Variants in DNAH17 observed in about 807,000 individuals in gnomAD.
DNAH17 encodes the protein dynein axonemal heavy chain 17.
A neutral mutation model predicts 485.6 loss-of-function variants in DNAH17; 376 were observed. That is an observed-to-expected ratio of 0.77 (90% CI 0.71 to 0.84). The LOEUF (loss-of-function observed/expected upper bound fraction) is 0.84. Ranked by LOEUF, DNAH17 falls within the 40% of genes least tolerant of loss-of-function variation. The pLI is 0.00. For missense variants in DNAH17, 6,370 were observed against 5,839.3 expected (o/e 1.09, Z -2.96); for synonymous variants, 3,031 against 2,405.9 (o/e 1.26, Z -7.60).
rs556508091 is a variant in DNAH17 at position 78,491,584 on chromosome 17, G to A, written c.6542-14C>T. Reference sequence around the variant, plus strand: ...TGGAGAACAGGCCTGGGGGAGGCGCGTGGTATGACCCCGGGCCCTTCACTC... The same window carrying A: ...TGGAGAACAGGCCTGGGGGAGGCGCATGGTATGACCCCGGGCCCTTCACTC... On this transcript the variant is annotated splice_polypyrimidine_tract_variant and intron_variant, in intron 42 of 80. Coordinates refer to ENST00000389840, the MANE Select transcript of DNAH17 (RefSeq NM_173628.4). The A allele has an allele frequency of 5.0e-5, 80 of 1,612,964 alleles. No homozygotes were observed. The highest frequency in any genetic ancestry group is 4.2e-4 in the South Asian group (38 of 90,792).
intron 15 of DNAH17, 40 bp from the exon 16 acceptor site, chr17:78,551,678 T>C (rs749205081): frequency 1.9e-6 from 3 of 1,603,072 alleles, no homozygotes; most frequent in Non-Finnish European, 1.7e-6. Flanking sequence ...AAATGAACAA[T>C]TCAGGCTGGG....
intron 6 of DNAH17, 126 bp downstream of exon 6, chr17:78,570,822 C>T: frequency 3.0e-6 from 2 of 668,194 alleles, no homozygotes; most frequent in South Asian, 4.1e-5. Context: ...CGCGCCACAG[C>T]ACTCTAGCCT....
At chr17:78,458,951 G>C in intron 61 of DNAH17, 50 bp downstream of exon 61, 1 of 1,590,282 alleles carries the variant, frequency 6.3e-7, no homozygotes, top group Non-Finnish European at 8.6e-7. Flanking sequence ...CTGGCAGCGC[G>C]AGCAAGCGGC....
intron 37 of DNAH17, among the ~76,000 whole-genome samples, chr17:78,498,465 T>C (rs2090154763): frequency 1.3e-5 from 2 of 152,210 alleles, no homozygotes; most frequent in South Asian, 2.1e-4. Flanking sequence ...TCCTAACAAG[T>C]GGGGCCCACG....
intron 16 of DNAH17, 53 bp downstream of exon 16, chr17:78,551,482 G>A (rs1407712546): frequency 8.9e-6 from 14 of 1,568,896 alleles, no homozygotes; most frequent in Admixed American, 5.0e-5. Context: ...GTTTGCCCCA[G>A]GGCAGCCCCA....
intron 57 of DNAH17, among the ~76,000 whole-genome samples, chr17:78,462,231 G>T (rs899101007): frequency 7.0e-6 from 1 of 143,522 alleles, no homozygotes; most frequent in African/African-American, 2.6e-5. Context: ...AGGCTGGTGG[G>T]AGAGTGACAG....
At chr17:78,568,800 C>A (rs1433857250) in intron 9 of DNAH17, among the ~76,000 whole-genome samples, 1 of 152,226 alleles carries the variant, frequency 6.6e-6, no homozygotes, top group African/African-American at 2.4e-5. Context: ...CGTGTATCCA[C>A]ATGGTGCTTG....
chr17:78,431,649 AGC>A (rs1338211901), intron 75 of DNAH17, among the ~76,000 whole-genome samples: 10 of 152,020 alleles, frequency 6.6e-5, no homozygotes. Flanking sequence ...GTGGTCACTC[AGC>A]GTGTAGCATG....
intron 75 of DNAH17, among the ~76,000 whole-genome samples, 163 bp downstream of exon 75, chr17:78,433,866 T>C (rs755610570): frequency 6.8e-6 from 1 of 147,262 alleles, no homozygotes; most frequent in Non-Finnish European, 1.5e-5. Flanking sequence ...CTTTGGTTTG[T>C]GAAACCTACT....
chr17:78,565,457 C>G (rs78082535), intron 11 of DNAH17, among the ~76,000 whole-genome samples: 2,827 of 152,296 alleles, frequency 0.019, 96 homozygotes, highest in African/African-American at 0.064. Context: ...TGACGTTTGT[C>G]GGGGAGAGAT....
In DNAH17 at chr17:78,423,954, C is replaced by G. The variant is rs2086240223; in HGVS notation, c.13341G>C (p.Lys4447Asn). 3.7e-6 allele frequency: 6 copies of G among 1,613,880 alleles called. No homozygotes were observed. Among genetic ancestry groups the G allele is most frequent in the Non-Finnish European group, 4.2e-6 (5 of 1,179,898 alleles). Residue 4447 changes from lysine (K) to asparagine (N), a missense_variant, in exon 81 of 81, where the codon AAG (lysine) becomes AAC (asparagine). Transcript: ENST00000389840. ...VWTFNLKTKE[K>N]AAKWILAAVA... ...CGGCTGCCAGGATCCACTTCGCTGC[C>G]TTCTCTTTGGTCTTCAAGTTAAAGG...
chr17:78,468,197 T>C (rs918452419), intron 55 of DNAH17, among the ~76,000 whole-genome samples: 1 of 151,962 alleles, frequency 6.6e-6, no homozygotes, highest in Non-Finnish European at 1.5e-5. Context: ...AATAAAAATA[T>C]AGTATAACAA....
intron 67 of DNAH17, 65 bp from the exon 68 acceptor site, chr17:78,450,459 C>A: frequency 1.9e-6 from 3 of 1,587,110 alleles, no homozygotes; most frequent in Non-Finnish European, 8.6e-7. Context: ...CAGGTGGGCT[C>A]ATTCCCAGCC....
At position 78,425,391 on chromosome 17, in the gene DNAH17, C is replaced by T. The variant is rs1385577119; in HGVS notation, c.13096G>A (p.Ala4366Thr). The part of the protein sequence containing the change: ...VTKKNREDMT[A>T]PPREGSYVYG... ...ACGTAGGAGCCCTCTCGCGGAGGAG[C>T]GGTCATGTCCTCTCGGTTTTTCTTG... The change falls in exon 80 of 81, where the codon GCT (alanine) becomes ACT (threonine). Residue 4366 changes from alanine to threonine, a missense_variant. Ala to Thr is a moderately conservative substitution (Grantham distance 58). Transcript: ENST00000389840. 9.3e-6 allele frequency: 15 copies of T among 1,613,892 alleles called. No homozygotes were observed. The highest frequency in any genetic ancestry group is 2.2e-5 in the South Asian group (2 of 91,094).
In DNAH17 at chr17:78,571,776, G is replaced by C. The variant is rs537871773; in HGVS notation, c.546C>G (p.Pro182=). 2 of 1,586,604 alleles carry C rather than the reference G, an allele frequency of 1.3e-6. No individual in the cohort carries two copies. Among genetic ancestry groups the C allele is most frequent in the South Asian group, 1.2e-5 (1 of 85,468 alleles). ...GCAGGAGCAAGTTGTCCAGTGAAGA[G>C]GGGATCCTGCCCAGTGGAAGGTTGG... The part of the protein sequence containing the change: ...DGTLESMERI[P]SSLDNLLLHA... The change falls in exon 4 of 81, where the codon CCC becomes CCG. Residue 182 remains proline (P), a synonymous_variant. Transcript: ENST00000389840.
intron 16 of DNAH17, among the ~76,000 whole-genome samples, chr17:78,545,903 T>C (rs368759411): frequency 1.8e-4 from 27 of 152,348 alleles, no homozygotes; most frequent in African/African-American, 6.5e-4. Context: ...TGTTCTTTGC[T>C]GATTAATATT....
At chr17:78,497,099 G>GGGTCA (rs2090102432) in intron 37 of DNAH17, 1 of 152,196 alleles carries the variant, frequency 6.6e-6, no homozygotes, top group Admixed American at 6.5e-5. Flanking sequence ...TTTCTGTCCT[G>GGGTCA]TTACTACTCT....
At chr17:78,505,901 C>A (rs899817155) in intron 30 of DNAH17, among the ~76,000 whole-genome samples, 7 of 152,066 alleles carry the variant, frequency 4.6e-5, no homozygotes, top group African/African-American at 1.7e-4. Flanking sequence ...TCACCTGAAC[C>A]CAGGAGGCAG....
intron 73 of DNAH17, 88 bp downstream of exon 73, chr17:78,439,002 T>C: frequency 6.6e-7 from 1 of 1,516,586 alleles, no homozygotes; most frequent in Non-Finnish European, 8.8e-7. Context: ...AAACTCCACA[T>C]CCTGCTTCCT....
Sources: gnomAD v4.1 joint callset for allele counts (sites outside exome capture counted in the v4.1 genomes callset) on GRCh38, gnomAD v4.1.1 for gene constraint, MANE v1.5 for transcripts, NCBI Gene and HGNC (gene_info 2026-07-23, HGNC 2026-07-21) for gene names.